IFI16: variants seen among roughly 807,000 people sequenced by gnomAD.
The protein encoded by IFI16 is interferon gamma inducible protein 16.
Under a neutral mutation model 68.4 loss-of-function variants are expected in IFI16, and 49 were observed. The ratio of observed to expected loss-of-function variants is 0.72; its 90% CI spans 0.57 to 0.91. The LOEUF is 0.91. Among genes scored for constraint, IFI16 ranks in the 40% least tolerant of loss-of-function variants. The pLI is 0.00. For missense variants in IFI16, 878 were observed against 942.9 expected (o/e 0.93, Z 0.90); for synonymous variants, 307 against 315.0 (o/e 0.97, Z 0.27).
chr1:159,004,704 T>A (rs568522704), upstream of IFI16, among the ~76,000 whole-genome samples: 1 of 152,196 alleles, frequency 6.6e-6, no homozygotes, highest in East Asian at 1.9e-4. Flanking sequence ...AGAAAAAAAA[T>A]TCCCAAAACC....
At chr1:159,050,232 GCA>G (rs1024665936) in intron 9 of IFI16, among the ~76,000 whole-genome samples, 1 of 152,080 alleles carries the variant, frequency 6.6e-6, no homozygotes. Flanking sequence ...TAGAAAAATT[GCA>G]CAGTTATTCC....
chr1:159,020,814 T>TA (rs1445549339), intron 6 of IFI16, among the ~76,000 whole-genome samples: 4 of 151,566 alleles, frequency 2.6e-5, no homozygotes, highest in African/African-American at 9.7e-5. Flanking sequence ...GATTTAAAAT[T>TA]ACATGTTCTC....
chr1:159,032,435 T>A, intron 6 of IFI16, 89 bp from the exon 7 acceptor site: 1 of 766,146 alleles, frequency 1.3e-6, no homozygotes, highest in South Asian at 2.5e-5. Context: ...CCTATTAAAA[T>A]CTAATAAAGG....
intron 6 of IFI16, among the ~76,000 whole-genome samples, chr1:159,022,931 A>AT (rs963306587): frequency 7.9e-5 from 12 of 151,304 alleles, no homozygotes; most frequent in Admixed American, 3.3e-4. Context: ...TTTTGACTTA[A>AT]TTTTTTTTTG....
intron 4 of IFI16, among the ~76,000 whole-genome samples, chr1:159,017,860 G>A (rs1247225466): frequency 6.6e-6 from 1 of 152,126 alleles, no homozygotes; most frequent in East Asian, 1.9e-4. Flanking sequence ...CACCCGCCTC[G>A]GCGTTTCAAA....
At chr1:159,015,778 G>A in intron 2 of IFI16, 94 bp from the exon 3 acceptor site, 1 of 904,808 alleles carries the variant, frequency 1.1e-6, no homozygotes, top group Non-Finnish European at 1.8e-6. Context: ...GGAACTGAGA[G>A]CAAATTGTAT....
At chr1:159,026,518 C>T (rs1391440811) in intron 6 of IFI16, among the ~76,000 whole-genome samples, 2 of 152,006 alleles carry the variant, frequency 1.3e-5, no homozygotes, top group Non-Finnish European at 2.9e-5. Context: ...AGGCTGGTCT[C>T]AAACTCCTGA....
intron 4 of IFI16, among the ~76,000 whole-genome samples, chr1:159,017,672 A>G (rs1030647658): frequency 9.9e-5 from 15 of 151,866 alleles, no homozygotes; most frequent in African/African-American, 3.4e-4. Context: ...CCGTGGCATA[A>G]TCTCGGCTCA....
At position 159,032,552 on chromosome 1, in the gene IFI16, A is replaced by G. The variant is rs748916757; in HGVS notation, c.1190A>G (p.Asn397Ser). 8.8e-6 allele frequency: 14 copies of G among 1,588,576 alleles called. No homozygotes were observed. The highest frequency in any genetic ancestry group is 5.8e-5 in the South Asian group (5 of 86,848). ...QIKKKTNPRN[N>S]DPKSMKLPQE... is the part of the protein sequence containing the mutation. The stretch of plus-strand genomic sequence containing the variant: ...AAGAAAAAAACAAACCCGAGAAACA[A>G]TGACCCCAAGAGCATGAAGCTACCC... Residue 397 changes from asparagine to serine, a missense_variant, in exon 7 of 12, where the codon AAT becomes AGT. Physicochemically the swap from Asn to Ser is conservative, Grantham distance 46. Around this residue, in one of 4 missense-constraint regions of IFI16, gnomAD observed 443 missense variants for 421.8 expected, o/e 1.05. Coordinates refer to ENST00000295809, the MANE Select transcript of IFI16 (RefSeq NM_001376587.1).
chr1:159,005,250 C>T (rs1652211511), upstream of IFI16, among the ~76,000 whole-genome samples: 1 of 152,194 alleles, frequency 6.6e-6, no homozygotes, highest in East Asian at 1.9e-4. Context: ...TATTCCATTA[C>T]AGCAGCACTA....
chr1:159,054,573 G>C (rs1161099968), intron 11 of IFI16, among the ~76,000 whole-genome samples: 1 of 152,180 alleles, frequency 6.6e-6, no homozygotes, highest in African/African-American at 2.4e-5. Flanking sequence ...GACATCTCCT[G>C]CTCTTTCACT....
intron 4 of IFI16, among the ~76,000 whole-genome samples, chr1:159,017,499 A>T (rs1244405168): frequency 6.6e-6 from 1 of 151,372 alleles, no homozygotes; most frequent in Non-Finnish European, 1.5e-5. Flanking sequence ...TTTATTGATC[A>T]TTTTAAATGT....
At chr1:159,002,097 A>G (rs946195052), upstream of IFI16, among the ~76,000 whole-genome samples, 2 of 152,226 alleles carry the variant, frequency 1.3e-5, no homozygotes, top group African/African-American at 4.8e-5. Context: ...GTAAATACAC[A>G]GTATGGTATG....
chr1:159,014,917 T>C lies in IFI16; in HGVS notation c.237T>C (p.Ala79=). The C allele has an allele frequency of 1.9e-6, 3 of 1,608,358 alleles. No homozygotes were observed. The highest frequency in any genetic ancestry group is 2.5e-6 in the Non-Finnish European group (3 of 1,178,178). Residue 79 remains alanine (A), a synonymous_variant, in exon 2 of 12, where the codon GCT becomes GCC. Coordinates refer to ENST00000295809, the MANE Select transcript of IFI16 (RefSeq NM_001376587.1). The part of the protein sequence containing the change: ...FEDIPTLEDL[A]ETLKKEKLKV... ...ATATACCAACGCTTGAAGACCTGGC[T>C]GAAACTCTTAAAAAAGAAAAGTTAA... is the stretch of plus-strand genomic sequence containing the variant.
chr1:159,026,030 A>G (rs1240700562), intron 6 of IFI16, among the ~76,000 whole-genome samples: 1 of 152,160 alleles, frequency 6.6e-6, no homozygotes, highest in Non-Finnish European at 1.5e-5. Context: ...ATTGGTCTAT[A>G]TGCCTATTTT....
intron 7 of IFI16, 87 bp downstream of exon 7, chr1:159,032,778 C>T: frequency 2.0e-6 from 2 of 993,462 alleles, no homozygotes; most frequent in Non-Finnish European, 2.8e-6. Context: ...CTGCTGTAAT[C>T]TCTGTGAATG....
At chr1:159,029,745 A>G (rs979280400) in intron 6 of IFI16, among the ~76,000 whole-genome samples, 11 of 146,372 alleles carry the variant, frequency 7.5e-5, no homozygotes, top group Non-Finnish European at 1.6e-4. Context: ...CAATGGGGCG[A>G]TCTCGGAACA....
upstream of IFI16, among the ~76,000 whole-genome samples, chr1:159,004,198 A>G (rs1652168789): frequency 6.6e-6 from 1 of 150,826 alleles, no homozygotes; most frequent in African/African-American, 2.4e-5. Context: ...TTAAGGATGG[A>G]TGTGGTGGCT....
At chr1:159,012,482 G>T (rs1214089760) in intron 1 of IFI16, among the ~76,000 whole-genome samples, 3 of 152,130 alleles carry the variant, frequency 2.0e-5, no homozygotes, top group East Asian at 3.9e-4. Context: ...ACATTTCAGT[G>T]AAATAAAGAT....
Sources: gnomAD v4.1 joint callset for allele counts (sites outside exome capture counted in the v4.1 genomes callset) on GRCh38, gnomAD v4.1.1 for gene constraint, gnomAD v4.1.1 regional missense constraint, MANE v1.5 for transcripts, NCBI Gene and HGNC (gene_info 2026-07-23, HGNC 2026-07-21) for gene names.